The following GALNTL6 variants were observed in gnomAD, a reference collection of about 807,000 sequenced individuals.
GALNTL6 encodes the protein polypeptide N-acetylgalactosaminyltransferase-like 6.
Under a neutral mutation model 73.7 loss-of-function variants are expected in GALNTL6, and 46 were observed. That is an observed-to-expected ratio of 0.62 (90% confidence interval 0.49 to 0.80). The LOEUF is 0.80. Ranked by LOEUF, GALNTL6 falls within the 30% of genes least tolerant of loss-of-function variation. The probability of loss-of-function intolerance (pLI) is 0.00; values close to 1 mark genes in which losing one functional copy is unlikely to be tolerated. For missense variants in GALNTL6, 604 were observed against 755.0 expected (o/e 0.80, Z 2.34); for synonymous variants, 259 against 263.7 (o/e 0.98, Z 0.17).
At chr4:172,050,755 T>C (rs1344167785) in intron 2 of GALNTL6, among the ~76,000 whole-genome samples, 1 of 152,108 alleles carries the variant, frequency 6.6e-6, no homozygotes, top group Non-Finnish European at 1.5e-5. Context: ...GCTAGCTAGG[T>C]CCCTGGAAGA....
chr4:172,127,191 A>G (rs1733321850), intron 2 of GALNTL6, among the ~76,000 whole-genome samples: 1 of 152,132 alleles, frequency 6.6e-6, no homozygotes, highest in Non-Finnish European at 1.5e-5. Flanking sequence ...GAGCCTGCCT[A>G]CTACAGCCAG....
At chr4:172,162,933 A>G (rs1734518513) in intron 2 of GALNTL6, among the ~76,000 whole-genome samples, 1 of 152,076 alleles carries the variant, frequency 6.6e-6, no homozygotes, top group Admixed American at 6.6e-5. Flanking sequence ...TCAATGTTGA[A>G]CACCCTATTT....
At chr4:172,624,958 C>T (rs560903844) in intron 5 of GALNTL6, among the ~76,000 whole-genome samples, 32 of 152,020 alleles carry the variant, frequency 2.1e-4, no homozygotes, top group South Asian at 8.3e-4. Context: ...CAACCCTTTA[C>T]GCCATCCTCT....
intron 2 of GALNTL6, among the ~76,000 whole-genome samples, chr4:172,092,138 A>T (rs1732222926): frequency 6.6e-6 from 1 of 152,144 alleles, no homozygotes; most frequent in Non-Finnish European, 1.5e-5. Context: ...AAGCATTCAG[A>T]AAAAAAGAAA....
At chr4:172,435,591 G>C (rs1322400735) in intron 5 of GALNTL6, among the ~76,000 whole-genome samples, 1 of 152,110 alleles carries the variant, frequency 6.6e-6, no homozygotes, top group Non-Finnish European at 1.5e-5. Context: ...TGATGAGTCT[G>C]TCTTAATACT....
intron 9 of GALNTL6, among the ~76,000 whole-genome samples, chr4:172,945,012 C>A (rs1441290678): frequency 4.1e-5 from 6 of 148,028 alleles, no homozygotes; most frequent in Non-Finnish European, 7.4e-5. Flanking sequence ...GAGCCAAGAT[C>A]ACACCATTGC....
At chr4:171,866,937 A>G (rs1292020695) in intron 2 of GALNTL6, among the ~76,000 whole-genome samples, 2 of 152,208 alleles carry the variant, frequency 1.3e-5, no homozygotes, top group African/African-American at 4.8e-5. Context: ...CATTCAGTCC[A>G]TTGTATAATT....
intron 2 of GALNTL6, among the ~76,000 whole-genome samples, chr4:171,909,360 A>G (rs1462186283): frequency 6.6e-6 from 1 of 152,094 alleles, no homozygotes; most frequent in African/African-American, 2.4e-5. Flanking sequence ...TAAAAGAGAG[A>G]AACTCAGCAG....
chr4:171,894,658 G>A (rs1009642392), intron 2 of GALNTL6, among the ~76,000 whole-genome samples: 2 of 152,080 alleles, frequency 1.3e-5, no homozygotes, highest in African/African-American at 4.8e-5. Context: ...CACCCAACCT[G>A]GCCCAACTGT....
At chr4:171,953,162 C>A (rs1263585481) in intron 2 of GALNTL6, among the ~76,000 whole-genome samples, 1 of 151,940 alleles carries the variant, frequency 6.6e-6, no homozygotes, top group African/African-American at 2.4e-5. Flanking sequence ...TAGTCGGTTA[C>A]CCCAAATTAA....
At chr4:173,027,211 T>C (rs1374174133) in intron 12 of GALNTL6, among the ~76,000 whole-genome samples, 1 of 152,166 alleles carries the variant, frequency 6.6e-6, no homozygotes, top group African/African-American at 2.4e-5. Flanking sequence ...CTCGAACTCC[T>C]GACCTCATGA....
At chr4:172,045,191 C>A (rs1215972327) in intron 2 of GALNTL6, among the ~76,000 whole-genome samples, 7 of 151,976 alleles carry the variant, frequency 4.6e-5, no homozygotes, top group African/African-American at 1.7e-4. Flanking sequence ...GCCATACTTT[C>A]TTTCATCTTC....
At chr4:172,015,901 A>C (rs902084333) in intron 2 of GALNTL6, among the ~76,000 whole-genome samples, 1 of 149,336 alleles carries the variant, frequency 6.7e-6, no homozygotes, top group Non-Finnish European at 1.5e-5. Flanking sequence ...CCTGCTGAGA[A>C]ATCAGCTGAT....
At chr4:172,873,405 T>C (rs893031466) in intron 7 of GALNTL6, among the ~76,000 whole-genome samples, 1 of 152,192 alleles carries the variant, frequency 6.6e-6, no homozygotes, top group African/African-American at 2.4e-5. Flanking sequence ...ACATGGTCTT[T>C]CATAAAGCAC....
intron 11 of GALNTL6, 69 bp from the exon 12 acceptor site, chr4:173,021,407 T>C (rs771718721): frequency 1.1e-5 from 17 of 1,498,854 alleles, no homozygotes; most frequent in Non-Finnish European, 1.6e-5. Flanking sequence ...AGACATACCT[T>C]CCCCCGCCCT....
At chr4:172,174,268 G>A (rs1420029386) in intron 2 of GALNTL6, among the ~76,000 whole-genome samples, 2 of 152,058 alleles carry the variant, frequency 1.3e-5, no homozygotes, top group Non-Finnish European at 2.9e-5. Context: ...AAAATGTGAG[G>A]TGAAAAAAAG....
At chr4:172,186,303 G>A (rs1043524720) in intron 2 of GALNTL6, among the ~76,000 whole-genome samples, 1 of 152,120 alleles carries the variant, frequency 6.6e-6, no homozygotes, top group Non-Finnish European at 1.5e-5. Context: ...GTGTTGTCAG[G>A]AATGTGGAGA....
At chr4:172,285,464 T>A (rs1739213259) in intron 3 of GALNTL6, among the ~76,000 whole-genome samples, 1 of 152,110 alleles carries the variant, frequency 6.6e-6, no homozygotes, top group Non-Finnish European at 1.5e-5. Flanking sequence ...CTAGCAAAAG[T>A]CTAATGTCTC....
chr4:172,270,831 A>C (rs1267816668), intron 3 of GALNTL6, among the ~76,000 whole-genome samples: 1 of 152,176 alleles, frequency 6.6e-6, no homozygotes, highest in East Asian at 1.9e-4. Context: ...AAAAGTAAAA[A>C]CTCAAAACAT....
Sources: gnomAD v4.1 joint callset for allele counts (sites outside exome capture counted in the v4.1 genomes callset) on GRCh38, gnomAD v4.1.1 for gene constraint, MANE v1.5 for transcripts, NCBI Gene and HGNC (gene_info 2026-07-23, HGNC 2026-07-21) for gene names.